Variants in NFATC2IP observed in about 807,000 individuals in gnomAD.
NFATC2IP encodes nuclear factor of activated T cells 2 interacting protein, also known as NFATC2-interacting protein.
Under a neutral mutation model 40.2 loss-of-function variants are expected in NFATC2IP, and 25 were observed. The observed-to-expected ratio is 0.62, with a 90% CI of 0.45 to 0.87. The LOEUF is 0.87. Among genes scored for constraint, NFATC2IP ranks in the 40% least tolerant of loss-of-function variants. The probability of loss-of-function intolerance (pLI) is 0.00; values close to 1 mark genes in which losing one functional copy is unlikely to be tolerated. For missense variants in NFATC2IP, 553 were observed against 555.6 expected (o/e 1.00, Z 0.05); for synonymous variants, 241 against 236.3 (o/e 1.02, Z -0.18).
chr16:28,954,558 C>T lies in NFATC2IP; in HGVS notation c.461-7C>T, dbSNP rs754428119. The T allele has an allele frequency of 1.9e-6, 3 of 1,592,446 alleles. No homozygotes were observed. Among genetic ancestry groups the T allele is most frequent in the East Asian group, 4.5e-5 (2 of 44,766 alleles). ...CCCCCTTCTACCTTCTCTTCCTCTG[C>T]CCCCAGAGGCAGAGCTGGCAGATTC... On this transcript the variant is annotated splice_polypyrimidine_tract_variant and splice_region_variant and intron_variant, in intron 2 of 7. Transcript: ENST00000320805.
At chr16:28,953,011 C>T (rs1221194307) in intron 2 of NFATC2IP, among the ~76,000 whole-genome samples, 2 of 152,066 alleles carry the variant, frequency 1.3e-5, no homozygotes, top group Non-Finnish European at 2.9e-5. Context: ...GCTGGGATTA[C>T]AGGCGTGAGC....
rs142348899 is a variant in NFATC2IP, at chr16:28,951,333, A to AGGC, written c.335_337dup (p.Arg112dup). 1.0e-5 allele frequency: 14 copies of AGGC among 1,405,564 alleles called. No homozygotes were observed. Among genetic ancestry groups the AGGC allele is most frequent in the Middle Eastern group, 2.2e-4 (1 of 4,642 alleles). The allele number at this position is 1,405,564 out of a possible 1,614,324, so 87.1% of individuals were successfully genotyped here. A position where few individuals can be genotyped will look rare whatever the true frequency, so the allele number is the denominator to read the frequency against. On this transcript the variant is annotated inframe_insertion, in exon 1 of 8. Transcript: ENST00000320805. Reference sequence around the variant, plus strand: ...CGCAGGACCCCCGCGGGAGCCGGTCAGGCGGCGGCGGCGGCTGGTGCTGGA... The same window carrying AGGC: ...CGCAGGACCCCCGCGGGAGCCGGTCAGGCGGCGGCGGCGGCGGCTGGTGCTGGA...
At chr16:28,952,377 T>C (rs1964976940) in intron 2 of NFATC2IP, 173 bp downstream of exon 2, 8 of 1,042,948 alleles carry the variant, frequency 7.7e-6, no homozygotes, top group Non-Finnish European at 1.1e-5. Flanking sequence ...ATAGAATGTA[T>C]TAATGTATAC....
chr16:28,958,903 A>G (rs756396495), intron 6 of NFATC2IP, 42 bp downstream of exon 6: 1 of 1,611,212 alleles, frequency 6.2e-7, no homozygotes. Flanking sequence ...GGCATTTGCC[A>G]GGGGAAGGGG....
chr16:28,952,058 GAATT>G, intron 1 of NFATC2IP, 70 bp from the exon 2 acceptor site: 11 of 1,602,152 alleles, frequency 6.9e-6, no homozygotes, highest in Non-Finnish European at 9.4e-6. Flanking sequence ...TGTCAGGGAA[GAATT>G]ACCCCCAATT....
At chr16:28,958,127 A>AT in intron 5 of NFATC2IP, among the ~76,000 whole-genome samples, 1 of 151,394 alleles carries the variant, frequency 6.6e-6, no homozygotes, top group East Asian at 1.9e-4. Flanking sequence ...GAAAAAAAAA[A>AT]GGTCCAGATT....
intron 2 of NFATC2IP, among the ~76,000 whole-genome samples, chr16:28,953,365 G>A (rs1368823571): frequency 3.9e-5 from 6 of 152,266 alleles, no homozygotes; most frequent in Admixed American, 2.6e-4. Context: ...GAGCCACCAC[G>A]CCCAGCCTGG....
In NFATC2IP at chr16:28,966,998, C is replaced by T. The variant is rs905225277; in HGVS notation, c.*3135C>T. 2.6e-5 allele frequency: 4 copies of T among 152,112 alleles called. No homozygotes were observed. Among genetic ancestry groups the T allele is most frequent in the Admixed American group, 2.6e-4 (4 of 15,264 alleles). The allele number at this position is 152,112 out of a possible 1,614,324, so 9.4% of individuals were successfully genotyped here. On this transcript the variant is annotated 3_prime_UTR_variant, in exon 8 of 8. Coordinates refer to ENST00000320805, the MANE Select transcript of NFATC2IP (RefSeq NM_032815.4). ...AAATAATCCACGACATGGTACAGCTCTTCACTTTTTCAGCTTTTTAAATGT... is the reference window on the plus strand; with the variant it reads ...AAATAATCCACGACATGGTACAGCTTTTCACTTTTTCAGCTTTTTAAATGT...
rs1965114597 is a variant in NFATC2IP at position 28,963,795 on chromosome 16, C to G, written c.1192C>G (p.Leu398Val). The G allele has an allele frequency of 4.3e-6, 7 of 1,614,178 alleles. No homozygotes were observed. Among genetic ancestry groups the G allele is most frequent in the Non-Finnish European group, 5.9e-6 (7 of 1,179,990 alleles). ...KLSFFFDGTK[L>V]SGRELPADLG... Reference sequence around the variant, plus strand: ...CTCCTTCTTCTTTGATGGGACAAAGCTTTCAGGCAGGGAGCTGCCAGCTGA... The same window carrying G: ...CTCCTTCTTCTTTGATGGGACAAAGGTTTCAGGCAGGGAGCTGCCAGCTGA... The change falls in exon 8 of 8, where the codon CTT becomes GTT. Residue 398 changes from leucine (L) to valine (V), a missense_variant. By Grantham distance (32) the Leu-to-Val change is conservative. Coordinates refer to ENST00000320805, the MANE Select transcript of NFATC2IP (RefSeq NM_032815.4).
At chr16:28,958,370 AG>A (rs1229519715) in intron 5 of NFATC2IP, 7 of 168,596 alleles carry the variant, frequency 4.2e-5, no homozygotes, top group East Asian at 1.6e-4. Flanking sequence ...AAAAAAAAAA[AG>A]AAAAATATAG....
In NFATC2IP at chr16:28,964,170, A is replaced by G. The variant is rs750645089; in HGVS notation, c.*307A>G. ...CTTTCACCACCATCCTCTTTTCCTC[A>G]TGGAAATGTCTGCTTTATGAAACTA... On this transcript the variant is annotated 3_prime_UTR_variant, in exon 8 of 8. Transcript: ENST00000320805. The G allele has an allele frequency of 3.1e-6, 1 of 325,430 alleles. No individual in the cohort carries two copies. The highest frequency in any genetic ancestry group is 5.8e-6 in the Non-Finnish European group (1 of 171,426). The allele number at this position is 325,430 out of a possible 1,614,324, so 20.2% of individuals were successfully genotyped here.
At chr16:28,963,575 C>G (rs989905212) in intron 7 of NFATC2IP, 130 bp from the exon 8 acceptor site, 10 of 744,812 alleles carry the variant, frequency 1.3e-5, no homozygotes, top group Admixed American at 8.0e-5. Context: ...CTCCTTTCCC[C>G]GCATGGGGCC....
chr16:28,955,439 A>G (rs1965009997), intron 3 of NFATC2IP, among the ~76,000 whole-genome samples: 1 of 151,974 alleles, frequency 6.6e-6, no homozygotes, highest in East Asian at 1.9e-4. Context: ...ATTATTGGAC[A>G]TTTTCCTGGG....
chr16:28,956,448 C>T lies in NFATC2IP; in HGVS notation c.846+111C>T, dbSNP rs372751635. ...GGACTGTCATCCTTTTCCCATCCTG[C>T]TCTCTAGAGCTGCCCATCATTCTTT... On this transcript the variant is annotated intron_variant, in intron 5 of 7. Transcript: ENST00000320805. The T allele has an allele frequency of 1.1e-5, 8 of 715,380 alleles. No homozygotes were observed. In the East Asian group the frequency reaches 1.9e-4, roughly 17 times the overall value. The allele number at this position is 715,380 out of a possible 1,614,324, so 44.3% of individuals were successfully genotyped here.
At chr16:28,952,543 G>C in intron 2 of NFATC2IP, 1 of 292,428 alleles carries the variant, frequency 3.4e-6, no homozygotes, top group Non-Finnish European at 6.5e-6. Flanking sequence ...TATCAGGGAT[G>C]CCCTGTCTTT....
chr16:28,951,265 G>A lies in NFATC2IP; in HGVS notation c.254G>A (p.Arg85Gln), dbSNP rs1347944418. ...PPEPPGPVASRDNSNSDSEGE... is the reference protein window; with the variant it reads ...PPEPPGPVASQDNSNSDSEGE... Reference sequence around the variant, plus strand: ...GAGCCCCCGGGGCCGGTCGCGTCCCGGGATAACAGCAACAGTGACAGCGAA... The same window carrying A: ...GAGCCCCCGGGGCCGGTCGCGTCCCAGGATAACAGCAACAGTGACAGCGAA... The change falls in exon 1 of 8, where the codon CGG becomes CAG. Residue 85 changes from arginine to glutamine, a missense_variant. Coordinates refer to ENST00000320805, the MANE Select transcript of NFATC2IP (RefSeq NM_032815.4). 6.8e-7 allele frequency: 1 copy of A among 1,479,608 alleles called. No individual in the cohort carries two copies. Among genetic ancestry groups the A allele is most frequent in the Non-Finnish European group, 9.0e-7 (1 of 1,109,342 alleles). The allele number at this position is 1,479,608 out of a possible 1,614,324, so 91.7% of individuals were successfully genotyped here.
intron 2 of NFATC2IP, 131 bp from the exon 3 acceptor site, chr16:28,954,434 C>T (rs918741062): frequency 1.3e-5 from 8 of 607,630 alleles, no homozygotes; most frequent in Non-Finnish European, 1.8e-5. Context: ...TCATGTGGCC[C>T]TGTGTGTGCC....
intron 2 of NFATC2IP, among the ~76,000 whole-genome samples, chr16:28,952,851 T>G (rs892319193): frequency 6.6e-6 from 1 of 151,776 alleles, no homozygotes; most frequent in Non-Finnish European, 1.5e-5. Flanking sequence ...CAAGCGATTC[T>G]CCTGCCTCAG....
In NFATC2IP at chr16:28,951,090, G is replaced by T. The variant is rs1442213282; in HGVS notation, c.79G>T (p.Gly27Cys). ...AGRGGRGGWG[G>C]RGRRPRAQRS... ...CCGAGGGGGTCGGGGCGGCTGGGGC[G>T]GTCGGGGCCGGCGTCCTCGGGCCCA... Residue 27 changes from glycine (G) to cysteine (C), a missense_variant, in exon 1 of 8, where the codon GGT (glycine) becomes TGT (cysteine). Transcript: ENST00000320805. 3.9e-6 allele frequency: 6 copies of T among 1,542,812 alleles called. No individual in the cohort carries two copies. The highest frequency in any genetic ancestry group is 4.4e-6 in the Non-Finnish European group (5 of 1,143,228).
Sources: gnomAD v4.1 joint callset for allele counts (sites outside exome capture counted in the v4.1 genomes callset) on GRCh38, gnomAD v4.1.1 for gene constraint, MANE v1.5 for transcripts, NCBI Gene and HGNC (gene_info 2026-07-23, HGNC 2026-07-21) for gene names.